The following SCD5 variants were observed in gnomAD, a reference collection of about 807,000 sequenced individuals.
SCD5 encodes stearoyl-CoA desaturase 5, also known as acyl-CoA-desaturase 4.
In SCD5, 20 loss-of-function variants were observed where a neutral mutation model predicts 30.4. That is an observed-to-expected ratio of 0.66 (90% CI 0.46 to 0.96). The LOEUF is 0.96. Ranked by LOEUF, SCD5 falls within the 40% of genes least tolerant of loss-of-function variation. SCD5 has a pLI of 0.00. For missense variants in SCD5, 381 were observed against 443.3 expected, an observed-to-expected ratio of 0.86 and a Z score of 1.26; for synonymous variants, 173 against 176.4, an observed-to-expected ratio of 0.98 and a Z score of 0.16.
intron 1 of SCD5, among the ~76,000 whole-genome samples, chr4:82,744,814 A>G (rs1720949040): frequency 1.3e-5 from 2 of 151,902 alleles, no homozygotes; most frequent in South Asian, 2.1e-4. Context: ...ACATGGCCCC[A>G]CTAGATACCA....
chr4:82,658,942 T>C (rs1342264575), intron 3 of SCD5, among the ~76,000 whole-genome samples: 1 of 152,174 alleles, frequency 6.6e-6, no homozygotes, highest in Non-Finnish European at 1.5e-5. Context: ...TGGTAGAATT[T>C]GGCTGTGAAT....
At chr4:82,665,368 CCT>C (rs888482326) in intron 3 of SCD5, among the ~76,000 whole-genome samples, 7 of 150,260 alleles carry the variant, frequency 4.7e-5, no homozygotes, top group African/African-American at 1.7e-4. Context: ...CCCAAGAATA[CCT>C]CTCTCCTTAA....
chr4:82,795,147 A>G (rs1722186057), intron 1 of SCD5, among the ~76,000 whole-genome samples: 1 of 152,158 alleles, frequency 6.6e-6, no homozygotes, highest in Admixed American at 6.5e-5. Context: ...TTACCACCAC[A>G]CAAATTACTC....
At chr4:82,720,012 G>A (rs1208105940) in intron 1 of SCD5, among the ~76,000 whole-genome samples, 1 of 150,206 alleles carries the variant, frequency 6.7e-6, no homozygotes, top group African/African-American at 2.5e-5. Context: ...AGGTTGGCCA[G>A]GCTGGTAGTT....
chr4:82,727,140 C>A (rs1180748924), intron 1 of SCD5, among the ~76,000 whole-genome samples: 1 of 152,174 alleles, frequency 6.6e-6, no homozygotes, highest in Non-Finnish European at 1.5e-5. Context: ...ATTCTGAATT[C>A]ATTTCTCCTC....
intron 1 of SCD5, among the ~76,000 whole-genome samples, chr4:82,715,939 A>G (rs1720216843): frequency 1.3e-5 from 2 of 151,846 alleles, no homozygotes; most frequent in African/African-American, 4.9e-5. Flanking sequence ...GGCCACACTC[A>G]AGTATAAGGA....
chr4:82,678,711 G>A (rs1485260796), intron 3 of SCD5, among the ~76,000 whole-genome samples: 7 of 152,098 alleles, frequency 4.6e-5, no homozygotes, highest in African/African-American at 1.2e-4. Context: ...TTACATATGC[G>A]ATACGACTGC....
At chr4:82,728,866 T>C (rs1340279424) in intron 1 of SCD5, among the ~76,000 whole-genome samples, 1 of 152,204 alleles carries the variant, frequency 6.6e-6, no homozygotes, top group Non-Finnish European at 1.5e-5. Context: ...TGATTTTGTC[T>C]GTGCAGTGGG....
At chr4:82,741,201 G>T (rs112829631) in intron 1 of SCD5, among the ~76,000 whole-genome samples, 6,431 of 151,794 alleles carry the variant, frequency 0.042, 182 homozygotes, top group South Asian at 0.11. Flanking sequence ...AGCTCCCAAA[G>T]TGCTGGGATT....
chr4:82,634,492 C>T (rs898713343), intron 4 of SCD5, among the ~76,000 whole-genome samples: 2 of 128,688 alleles, frequency 1.6e-5, no homozygotes, highest in South Asian at 5.9e-4. Context: ...ACCTCCCCCC[C>T]CCATCATTTT....
chr4:82,795,372 A>G (rs976843277), intron 1 of SCD5, among the ~76,000 whole-genome samples: 2 of 152,164 alleles, frequency 1.3e-5, no homozygotes, highest in African/African-American at 2.4e-5. Context: ...GTGGTGAAAA[A>G]GGGCCTTCAG....
intron 3 of SCD5, among the ~76,000 whole-genome samples, chr4:82,671,104 G>A (rs1361371731): frequency 6.6e-6 from 1 of 152,152 alleles, no homozygotes; most frequent in Non-Finnish European, 1.5e-5. Flanking sequence ...ATTAATTTCA[G>A]ACAGAGCAGA....
At chr4:82,728,568 C>A (rs114137341) in intron 1 of SCD5, among the ~76,000 whole-genome samples, 4,878 of 152,226 alleles carry the variant, frequency 0.032, 264 homozygotes, top group African/African-American at 0.11. Context: ...ATCTTTCAGA[C>A]TAACCCCATT....
chr4:82,641,078 T>C (rs1727532592), intron 3 of SCD5, among the ~76,000 whole-genome samples: 1 of 152,034 alleles, frequency 6.6e-6, no homozygotes, highest in Non-Finnish European at 1.5e-5. Flanking sequence ...GCTTACTACA[T>C]GCCCTAGAAC....
intron 3 of SCD5, among the ~76,000 whole-genome samples, chr4:82,655,889 T>C (rs2148815699): frequency 6.6e-6 from 1 of 152,306 alleles, no homozygotes; most frequent in Non-Finnish European, 1.5e-5. Flanking sequence ...GTTGCTGACA[T>C]GTCTGCTGTA....
chr4:82,633,188 T>C (rs1727357323), intron 4 of SCD5, among the ~76,000 whole-genome samples: 1 of 130,402 alleles, frequency 7.7e-6, no homozygotes, highest in East Asian at 2.5e-4. Context: ...TCTGCTCTAC[T>C]TCGTTCAACT....
intron 3 of SCD5, among the ~76,000 whole-genome samples, chr4:82,676,932 G>A (rs769066591): frequency 7.9e-5 from 12 of 152,216 alleles, no homozygotes; most frequent in Non-Finnish European, 1.3e-4. Context: ...TTATCTTTTA[G>A]GGTCTGGAAG....
intron 1 of SCD5, among the ~76,000 whole-genome samples, chr4:82,749,214 G>A (rs772971203): frequency 5.3e-5 from 8 of 152,188 alleles, no homozygotes; most frequent in Non-Finnish European, 8.8e-5. Flanking sequence ...GTAAACTCTA[G>A]GGAGTCGCTA....
At position 82,779,112 on chromosome 4, in the gene SCD5, G is replaced by A. The variant is rs1406185751; in HGVS notation, c.232+19194C>T. 5.9e-5 allele frequency among the ~76,000 whole-genome samples: 9 copies of A among 151,702 alleles called. No homozygotes were observed. In the East Asian group the frequency reaches 1.4e-3, roughly 23 times the overall value. ...ACTCCCGACCTCAGGTGATCCACCCGCCTCGGCCTCCCAAAGCGCTGGGAT... is the reference window on the plus strand; with the variant it reads ...ACTCCCGACCTCAGGTGATCCACCCACCTCGGCCTCCCAAAGCGCTGGGAT... On this transcript the variant is annotated intron_variant, in intron 1 of 4. Transcript: ENST00000319540.
Sources: gnomAD v4.1 joint callset for allele counts (sites outside exome capture counted in the v4.1 genomes callset) on GRCh38, gnomAD v4.1.1 for gene constraint, MANE v1.5 for transcripts, NCBI Gene and HGNC (gene_info 2026-07-23, HGNC 2026-07-21) for gene names.